PCDH9: variants seen among roughly 807,000 people sequenced by gnomAD.
The protein encoded by PCDH9 is protocadherin-9.
In PCDH9, 24 loss-of-function variants were observed where a neutral mutation model predicts 70.6. That is an observed-to-expected ratio of 0.34 (90% confidence interval 0.25 to 0.48). The LOEUF (loss-of-function observed/expected upper bound fraction) is 0.48, where lower values mean the gene tolerates loss of function less well. Among genes scored for constraint, PCDH9 ranks in the 20% least tolerant of loss-of-function variants. The probability of loss-of-function intolerance (pLI) is 0.99; values close to 1 mark genes in which losing one functional copy is unlikely to be tolerated. For synonymous variants in PCDH9, 562 were observed against 558.5 expected, an observed-to-expected ratio of 1.01 and a Z score of -0.09; for missense variants, 1,281 against 1,503.6, an observed-to-expected ratio of 0.85 and a Z score of 2.45.
intron 2 of PCDH9, among the ~76,000 whole-genome samples, chr13:67,062,042 G>C (rs919381093): frequency 1.3e-5 from 2 of 152,142 alleles, no homozygotes; most frequent in African/African-American, 4.8e-5. Flanking sequence ...AAGTACTCTA[G>C]CAGTTTCAGC....
intron 4 of PCDH9, among the ~76,000 whole-genome samples, chr13:66,598,110 T>C (rs1453744229): frequency 1.3e-5 from 2 of 151,676 alleles, no homozygotes; most frequent in African/African-American, 4.8e-5. Flanking sequence ...TGTGGAGAAA[T>C]TAGAACCTTT....
chr13:66,822,325 A>G (rs2080727048), intron 3 of PCDH9, among the ~76,000 whole-genome samples: 1 of 152,142 alleles, frequency 6.6e-6, no homozygotes, highest in African/African-American at 2.4e-5. Context: ...ATTAAGTTAA[A>G]TGAAAGTTAA....
Position 66,883,898 on chromosome 13 carries a change from A to ATT in PCDH9, c.3138+19604_3138+19605dup, listed in dbSNP as rs539703609. On this transcript the variant is annotated intron_variant, in intron 3 of 4. Transcript: ENST00000377865. ...GTTGTTCCCTTCATCTTGAGCGTTC[A>ATT]TTTTTTTTTTTTTTTTTTTTTTGAG... Among the ~76,000 whole-genome samples, 814 of 108,132 alleles carry ATT rather than the reference A, an allele frequency of 7.5e-3. 14 individuals are homozygous for ATT. The highest frequency in any genetic ancestry group is 0.021 in the African/African-American group (544 of 26,040). The allele number at this position is 108,132 out of a possible 152,430, so 70.9% of individuals were successfully genotyped here.
intron 2 of PCDH9, among the ~76,000 whole-genome samples, chr13:66,918,765 T>A (rs1344342853): frequency 6.6e-6 from 1 of 151,246 alleles, no homozygotes. Context: ...TTATTACTTC[T>A]TTTGTAAAAG....
chr13:66,766,463 A>G (rs2079719823), intron 3 of PCDH9, among the ~76,000 whole-genome samples: 1 of 152,100 alleles, frequency 6.6e-6, no homozygotes, highest in South Asian at 2.1e-4. Flanking sequence ...GAGACCTATC[A>G]AAACACTATC....
At chr13:67,031,898 C>T (rs910884481) in intron 2 of PCDH9, among the ~76,000 whole-genome samples, 4 of 152,012 alleles carry the variant, frequency 2.6e-5, no homozygotes, top group Non-Finnish European at 4.4e-5. Flanking sequence ...GATACACAGC[C>T]CTTCTGGTCT....
At chr13:67,170,898 C>T (rs2987317) in intron 2 of PCDH9, among the ~76,000 whole-genome samples, 24,166 of 151,988 alleles carry the variant, frequency 0.16, 2,069 homozygotes, top group East Asian at 0.22. Context: ...GCACTCCAGC[C>T]TCAGTGACAG....
chr13:66,311,461 A>G (rs2138064594), intron 4 of PCDH9, among the ~76,000 whole-genome samples: 1 of 151,970 alleles, frequency 6.6e-6, no homozygotes, highest in African/African-American at 2.4e-5. Flanking sequence ...AGCTAAAACT[A>G]TAGGTTTATG....
chr13:66,304,548 C>T lies in PCDH9; in HGVS notation c.*107G>A. 1.2e-6 allele frequency: 1 copy of T among 835,508 alleles called. No individual in the cohort carries two copies. The highest frequency in any genetic ancestry group is 1.9e-6 in the Non-Finnish European group (1 of 518,298). 51.8% of individuals were successfully genotyped at this position (835,508 alleles called of 1,614,324 possible). ...GTGCTAACACAAAGTTATAGGTATC[C>T]CTGCTAGAAGGGGCATAGTTGTAGA... On this transcript the variant is annotated 3_prime_UTR_variant, in exon 5 of 5. Transcript: ENST00000377865.
intron 4 of PCDH9, among the ~76,000 whole-genome samples, chr13:66,438,250 A>G (rs556116419): frequency 9.2e-5 from 14 of 151,970 alleles, no homozygotes; most frequent in Admixed American, 7.2e-4. Flanking sequence ...AAAAAAAAGT[A>G]CTTAGGATAT....
At chr13:66,491,932 G>T (rs1959040550) in intron 4 of PCDH9, among the ~76,000 whole-genome samples, 1 of 151,990 alleles carries the variant, frequency 6.6e-6, no homozygotes, top group Non-Finnish European at 1.5e-5. Flanking sequence ...TCTAAACTTT[G>T]CATCAATGAA....
At chr13:66,901,498 A>G (rs1418456410) in intron 3 of PCDH9, among the ~76,000 whole-genome samples, 4 of 151,798 alleles carry the variant, frequency 2.6e-5, no homozygotes, top group Non-Finnish European at 5.9e-5. Context: ...GGCCTGGAGA[A>G]TGATGGTTAA....
chr13:66,572,531 A>G (rs1465600823), intron 4 of PCDH9, among the ~76,000 whole-genome samples: 1 of 152,110 alleles, frequency 6.6e-6, no homozygotes, highest in Admixed American at 6.5e-5. Context: ...TATTGCTACA[A>G]GTGACAGGAT....
At chr13:67,142,405 CTT>C (rs2087415362) in intron 2 of PCDH9, among the ~76,000 whole-genome samples, 2 of 152,082 alleles carry the variant, frequency 1.3e-5, no homozygotes, top group Admixed American at 6.5e-5. Flanking sequence ...CCAATTAGGA[CTT>C]ATAATTTATT....
chr13:66,968,468 T>C (rs533892788), intron 2 of PCDH9, among the ~76,000 whole-genome samples: 1 of 152,140 alleles, frequency 6.6e-6, no homozygotes, highest in Admixed American at 6.6e-5. Flanking sequence ...CCTAAGTCTT[T>C]AAGATGAGAT....
At chr13:67,035,510 A>T (rs949660237) in intron 2 of PCDH9, among the ~76,000 whole-genome samples, 4 of 151,424 alleles carry the variant, frequency 2.6e-5, no homozygotes, top group African/African-American at 9.7e-5. Context: ...TTAAACTCAG[A>T]AATTAGACTT....
At chr13:67,223,245 GA>G (rs2089773173) in intron 2 of PCDH9, 1 of 152,120 alleles carries the variant, frequency 6.6e-6, no homozygotes, top group Non-Finnish European at 1.5e-5. Context: ...TAAGCCTCAA[GA>G]AAAGATCTCT....
intron 4 of PCDH9, among the ~76,000 whole-genome samples, chr13:66,373,003 A>C (rs1302224756): frequency 6.6e-6 from 1 of 152,026 alleles, no homozygotes; most frequent in East Asian, 1.9e-4. Context: ...AAGAATTAAA[A>C]GCAGAATCTC....
At position 66,330,602 on chromosome 13, in the gene PCDH9, C is replaced by CCAG. The variant is rs1566245825; in HGVS notation, c.3341-25575_3341-25574insCTG. Among the ~76,000 whole-genome samples the CCAG allele has an allele frequency of 2.0e-5, 3 of 151,652 alleles. No individual in the cohort carries two copies. In the East Asian group the frequency reaches 5.8e-4, roughly 29 times the overall value. ...TAATTTGTGTGGGGGTGGGGGAAAG[C>CCAG]CCAGCCTTAAAAGAAAAGATCAAGG... On this transcript the variant is annotated intron_variant, in intron 4 of 4. Transcript: ENST00000377865.
Sources: allele counts gnomAD v4.1 joint callset (sites outside exome capture counted in the v4.1 genomes callset), GRCh38; gene constraint gnomAD v4.1.1; transcripts MANE v1.5; gene names NCBI Gene and HGNC (gene_info 2026-07-23, HGNC 2026-07-21).